PARD3: variants seen among roughly 807,000 people sequenced by gnomAD.
PARD3 encodes par-3 family cell polarity regulator, also known as partitioning defective 3 homolog.
Under a neutral mutation model 155.4 loss-of-function variants are expected in PARD3, and 75 were observed. The ratio of observed to expected loss-of-function variants is 0.48; its 90% CI spans 0.40 to 0.58. The LOEUF is 0.58. Among genes scored for constraint, PARD3 ranks in the 20% least tolerant of loss-of-function variants. The pLI is 0.00. For missense variants in PARD3, 1,642 were observed against 1,721.7 expected, an observed-to-expected ratio of 0.95 and a Z score of 0.82; for synonymous variants, 576 against 610.5, an observed-to-expected ratio of 0.94 and a Z score of 0.83.
chr10:34,749,459 T>C (rs1302583200), intron 1 of PARD3, among the ~76,000 whole-genome samples: 1 of 150,688 alleles, frequency 6.6e-6, no homozygotes, highest in East Asian at 1.9e-4. Flanking sequence ...AAAATGAAGG[T>C]TATAAAAAAT....
chr10:34,735,662 T>C (rs569274884), intron 1 of PARD3, among the ~76,000 whole-genome samples: 1 of 152,290 alleles, frequency 6.6e-6, no homozygotes, highest in Admixed American at 6.5e-5. Context: ...AAAGTAGATA[T>C]ATGCAATGAT....
intron 22 of PARD3, among the ~76,000 whole-genome samples, chr10:34,188,151 A>T (rs1950563415): frequency 6.6e-6 from 1 of 152,232 alleles, no homozygotes; most frequent in African/African-American, 2.4e-5. Flanking sequence ...CTAAGGCAAT[A>T]TCATCAATTA....
chr10:34,680,723 C>T (rs1430027223), intron 2 of PARD3, among the ~76,000 whole-genome samples: 2 of 151,218 alleles, frequency 1.3e-5, no homozygotes, highest in South Asian at 4.2e-4. Flanking sequence ...TCTCAGTAAA[C>T]TATCGCAAGA....
intron 22 of PARD3, among the ~76,000 whole-genome samples, chr10:34,180,296 C>T (rs1950214880): frequency 6.6e-6 from 1 of 152,214 alleles, no homozygotes. Context: ...CCGCCTGCCT[C>T]AGCCACCCAA....
At chr10:34,116,669 C>T (rs1270837964) in intron 24 of PARD3, among the ~76,000 whole-genome samples, 4 of 152,222 alleles carry the variant, frequency 2.6e-5, no homozygotes, top group Admixed American at 2.6e-4. Flanking sequence ...CAAGAAGATA[C>T]TGCAGAAACC....
intron 22 of PARD3, among the ~76,000 whole-genome samples, chr10:34,265,608 T>C (rs2133833164): frequency 6.6e-6 from 1 of 152,340 alleles, no homozygotes; most frequent in South Asian, 2.1e-4. Context: ...TTCTCTATTG[T>C]GTCTATTCTT....
intron 2 of PARD3, among the ~76,000 whole-genome samples, chr10:34,648,731 C>T (rs931797777): frequency 1.3e-5 from 2 of 152,224 alleles, no homozygotes; most frequent in Non-Finnish European, 2.9e-5. Context: ...ACCAGTACCA[C>T]ACAGTGGTCT....
intron 7 of PARD3, among the ~76,000 whole-genome samples, chr10:34,396,667 T>C (rs908999835): frequency 3.9e-5 from 6 of 152,154 alleles, no homozygotes; most frequent in East Asian, 1.9e-4. Flanking sequence ...TCCTCCAAAA[T>C]TGAGAAGGCC....
At chr10:34,129,416 G>A (rs1318340910) in intron 23 of PARD3, among the ~76,000 whole-genome samples, 1 of 152,178 alleles carries the variant, frequency 6.6e-6, no homozygotes, top group Admixed American at 6.5e-5. Flanking sequence ...ACCTCGCAAA[G>A]TGCTGGGATT....
chr10:34,425,399 A>C (rs1166828571), intron 5 of PARD3, among the ~76,000 whole-genome samples: 1 of 152,142 alleles, frequency 6.6e-6, no homozygotes, highest in African/African-American at 2.4e-5. Flanking sequence ...CTCACAAACG[A>C]AAATTCCACC....
chr10:34,750,216 G>C (rs1217909448), intron 1 of PARD3, among the ~76,000 whole-genome samples: 1 of 151,940 alleles, frequency 6.6e-6, no homozygotes, highest in Non-Finnish European at 1.5e-5. Context: ...AAACGATATG[G>C]AAGTACCTTT....
At chr10:34,134,187 G>A (rs189611040) in intron 22 of PARD3, among the ~76,000 whole-genome samples, 7 of 152,248 alleles carry the variant, frequency 4.6e-5, no homozygotes, top group African/African-American at 1.2e-4. Context: ...ATGTGAAACC[G>A]TAATGGTGTA....
intron 15 of PARD3, chr10:34,344,303 T>C (rs1837169870): frequency 1.1e-6 from 1 of 904,648 alleles, no homozygotes; most frequent in South Asian, 5.1e-5. Flanking sequence ...TTTTTTTGGA[T>C]ATGGAGTCTC....
At chr10:34,407,757 C>G (rs912151551) in intron 5 of PARD3, among the ~76,000 whole-genome samples, 1 of 151,804 alleles carries the variant, frequency 6.6e-6, no homozygotes, top group African/African-American at 2.4e-5. Flanking sequence ...CACTTGAGCC[C>G]AGGGAGTTCA....
chr10:34,723,294 G>A (rs918182861), intron 1 of PARD3, among the ~76,000 whole-genome samples: 2 of 152,030 alleles, frequency 1.3e-5, no homozygotes, highest in African/African-American at 2.4e-5. Flanking sequence ...GCTCTGTCTG[G>A]GGGACAAAAA....
At chr10:34,140,357 C>A (rs965767761) in intron 22 of PARD3, among the ~76,000 whole-genome samples, 5 of 152,180 alleles carry the variant, frequency 3.3e-5, no homozygotes, top group African/African-American at 4.8e-5. Flanking sequence ...ATTGATGTCA[C>A]CCCCTGTGAA....
At position 34,188,043 on chromosome 10, in the gene PARD3, C is replaced by G. The variant is rs913597535; in HGVS notation, c.3420-56460G>C. Among the ~76,000 whole-genome samples, 15 of 152,136 alleles carry G rather than the reference C, an allele frequency of 9.9e-5. No homozygotes were observed. In the East Asian group the frequency reaches 2.9e-3, roughly 29 times the overall value. On this transcript the variant is annotated intron_variant, in intron 22 of 24. Coordinates refer to ENST00000374788, the MANE Select transcript of PARD3 (RefSeq NM_001184785.2). ...TGATTTTCCTCTTGTAAAGGTAGCT[C>G]AATTGAAATGTTCAGCATAAATCAT...
rs1222663310 is a variant in PARD3 at position 34,386,775 on chromosome 10, T to C, written c.891-2521A>G. ...AGGCAGAGGTTGCGGTGAGCCGAGA[T>C]CGCGCCACTGCACTCCAGCCTGGGC... On this transcript the variant is annotated intron_variant, in intron 7 of 24. Transcript: ENST00000374788. Among the ~76,000 whole-genome samples, 15 of 145,068 alleles carry C rather than the reference T, an allele frequency of 1.0e-4. No homozygotes were observed. The Admixed American group carries it at 1.1e-3, about 10-fold the overall frequency.
intron 2 of PARD3, among the ~76,000 whole-genome samples, chr10:34,591,444 C>T (rs945729914): frequency 8.5e-5 from 13 of 152,080 alleles, no homozygotes; most frequent in Admixed American, 2.6e-4. Context: ...TACCACATGT[C>T]GAACATTCTA....
Sources: gnomAD v4.1 joint callset for allele counts (sites outside exome capture counted in the v4.1 genomes callset) on GRCh38, gnomAD v4.1.1 for gene constraint, MANE v1.5 for transcripts, NCBI Gene and HGNC (gene_info 2026-07-23, HGNC 2026-07-21) for gene names.